Variants in LGI1 observed in about 807,000 individuals in gnomAD.
The protein encoded by LGI1 is leucine rich glioma inactivated 1.
Under a neutral mutation model 57.7 loss-of-function variants are expected in LGI1, and 11 were observed. The observed-to-expected ratio is 0.19, with a 90% confidence interval of 0.12 to 0.32. The LOEUF (loss-of-function observed/expected upper bound fraction) is 0.32. LGI1 is among the 10% of genes least tolerant of loss of function. The pLI, the probability that LGI1 is intolerant of heterozygous loss-of-function variation, is 1.00. For synonymous variants in LGI1, 222 were observed against 241.9 expected (o/e 0.92, Z 0.76); for missense variants, 422 against 661.9 (o/e 0.64, Z 3.98).
intron 2 of LGI1, chr10:93,766,965 T>G (rs1589754115): frequency 6.6e-6 from 1 of 152,194 alleles, no homozygotes; most frequent in East Asian, 1.9e-4. Flanking sequence ...TGTCCTCACT[T>G]TTAACCACTT....
At chr10:93,781,978 T>C (rs4531389) in intron 4 of LGI1, among the ~76,000 whole-genome samples, 76,409 of 152,010 alleles carry the variant, frequency 0.5, 19,796 homozygotes, top group Middle Eastern at 0.58. Context: ...AGGATGCTTG[T>C]GTGTTCCCAA....
intron 2 of LGI1, among the ~76,000 whole-genome samples, chr10:93,773,452 C>T (rs564307788): frequency 6.6e-6 from 1 of 152,250 alleles, no homozygotes; most frequent in South Asian, 2.1e-4. Flanking sequence ...TAGATCTTAC[C>T]TGCTTTACTA....
Position 93,789,992 on chromosome 10 carries a change from T to TA in LGI1, c.432-106dup, listed in dbSNP as rs1302384194. On this transcript the variant is annotated intron_variant, in intron 4 of 7. Transcript: ENST00000371418. ...GAAAAAAAAAGGACCACAAGTCTTTTAGTAGGCTGGAAATGACAAAAGAGA... is the reference window on the plus strand; with the variant it reads ...GAAAAAAAAAGGACCACAAGTCTTTTAAGTAGGCTGGAAATGACAAAAGAGA... The TA allele has an allele frequency of 4.5e-6, 5 of 1,104,950 alleles. No individual in the cohort carries two copies. The Admixed American group carries it at 1.2e-4, about 26-fold the overall frequency. The allele number at this position is 1,104,950 out of a possible 1,614,324, so 68.4% of individuals were successfully genotyped here.
At chr10:93,782,738 C>T (rs1554905654) in intron 4 of LGI1, 2 of 152,210 alleles carry the variant, frequency 1.3e-5, no homozygotes, top group South Asian at 2.1e-4. Context: ...CTTGCACCGC[C>T]GCAGGTTCAG....
intron 4 of LGI1, chr10:93,782,857 C>T (rs950420461): frequency 3.3e-5 from 5 of 152,318 alleles, no homozygotes; most frequent in East Asian, 1.9e-4. Flanking sequence ...CTGAAACAAA[C>T]GCGGTGTTTG....
At chr10:93,777,136 C>A in intron 2 of LGI1, 1 of 592,846 alleles carries the variant, frequency 1.7e-6, no homozygotes, top group South Asian at 2.0e-5. Context: ...AAATGTCACC[C>A]AGGGTATGTG....
Position 93,779,678 on chromosome 10 carries a change from C to T in LGI1, c.431+2061C>T, listed in dbSNP as rs905097468. ...ATTTAAATATGGGTCTTAATGATGCCCTTTCTTTAGCAGTATGGAGCCTGT... is the reference window on the plus strand; with the variant it reads ...ATTTAAATATGGGTCTTAATGATGCTCTTTCTTTAGCAGTATGGAGCCTGT... On this transcript the variant is annotated intron_variant, in intron 4 of 7. Transcript: ENST00000371418. Among the ~76,000 whole-genome samples the T allele has an allele frequency of 2.6e-5, 4 of 152,068 alleles. No individual in the cohort carries two copies. The East Asian group carries it at 7.7e-4, about 29-fold the overall frequency.
intron 2 of LGI1, among the ~76,000 whole-genome samples, chr10:93,766,095 A>G (rs2059674555): frequency 6.6e-6 from 1 of 152,204 alleles, no homozygotes; most frequent in South Asian, 2.1e-4. Flanking sequence ...TTATTAATAC[A>G]ATAATTGTAG....
chr10:93,784,863 T>C (rs1190392450), intron 4 of LGI1, among the ~76,000 whole-genome samples: 4 of 152,200 alleles, frequency 2.6e-5, no homozygotes, highest in Non-Finnish European at 1.5e-5. Context: ...AGAGAAGGAC[T>C]AGACACTCTG....
chr10:93,784,196 C>A (rs2059876287), intron 4 of LGI1, among the ~76,000 whole-genome samples: 4 of 152,120 alleles, frequency 2.6e-5, no homozygotes, highest in Non-Finnish European at 5.9e-5. Context: ...TGTGTCTTCA[C>A]CCCTCTCCCA....
intron 4 of LGI1, among the ~76,000 whole-genome samples, chr10:93,782,494 C>T (rs1368931512): frequency 6.6e-6 from 1 of 151,924 alleles, no homozygotes; most frequent in East Asian, 1.9e-4. Context: ...TGCCCAACCT[C>T]CATTAGTCCT....
At position 93,793,368 on chromosome 10, in the gene LGI1, A is replaced by T. The variant is rs1435969066; in HGVS notation, c.838+18A>T. On this transcript the variant is annotated intron_variant, in intron 7 of 7. Transcript: ENST00000371418. ...CATTACAGGTATGAAAAGCCTAATG[A>T]TATTTTGAGTGGTAATTTAAACTGC... The T allele has an allele frequency of 6.2e-7, 1 of 1,609,932 alleles. No homozygotes were observed. The highest frequency in any genetic ancestry group is 8.5e-7 in the Non-Finnish European group (1 of 1,176,252).
chr10:93,768,253 A>G (rs2059699268), intron 2 of LGI1: 1 of 152,210 alleles, frequency 6.6e-6, no homozygotes, highest in Non-Finnish European at 1.5e-5. Context: ...GATACTAAAA[A>G]GAGGGAGCTG....
At chr10:93,763,132 G>C (rs945978009) in intron 2 of LGI1, 2 of 152,244 alleles carry the variant, frequency 1.3e-5, no homozygotes, top group Non-Finnish European at 2.9e-5. Flanking sequence ...ATCTCCATTA[G>C]CGCTGCCTTT....
chr10:93,781,081 G>A (rs1041632447), intron 4 of LGI1, among the ~76,000 whole-genome samples: 4 of 152,136 alleles, frequency 2.6e-5, no homozygotes, highest in East Asian at 1.9e-4. Flanking sequence ...ATTATAGGCC[G>A]GGCGTGGTGG....
At chr10:93,776,437 A>G (rs192536762) in intron 2 of LGI1, among the ~76,000 whole-genome samples, 1 of 152,322 alleles carries the variant, frequency 6.6e-6, no homozygotes, top group East Asian at 1.9e-4. Context: ...TGACAAATAA[A>G]TTACTCATAA....
chr10:93,796,922 A>C (rs771748995), intron 7 of LGI1, 46 bp from the exon 8 acceptor site: 16 of 1,483,802 alleles, frequency 1.1e-5, no homozygotes, highest in Non-Finnish European at 1.5e-5. Context: ...TACATGCTCC[A>C]AAAGAGGATG....
At chr10:93,792,232 G>C (rs2059942787) in intron 5 of LGI1, 1 of 153,774 alleles carries the variant, frequency 6.5e-6, no homozygotes, top group South Asian at 2.0e-4. Context: ...GTAAAATTTA[G>C]CATCTGAATT....
intron 6 of LGI1, 87 bp downstream of exon 6, chr10:93,792,999 T>C (rs2059949376): frequency 3.6e-6 from 5 of 1,389,604 alleles, no homozygotes; most frequent in South Asian, 2.4e-5. Context: ...ATTTTTTATA[T>C]CTTAAAAACT....
Sources: allele counts gnomAD v4.1 joint callset (sites outside exome capture counted in the v4.1 genomes callset), GRCh38; gene constraint gnomAD v4.1.1; transcripts MANE v1.5; gene names NCBI Gene and HGNC (gene_info 2026-07-23, HGNC 2026-07-21).